Variants in RNGTT observed in about 807,000 individuals in gnomAD.
The protein encoded by RNGTT is mRNA-capping enzyme.
RNGTT carries 33 observed loss-of-function variants against 79.3 expected under a neutral mutation model. The ratio of observed to expected loss-of-function variants is 0.42; its 90% CI spans 0.32 to 0.56. RNGTT has a LOEUF of 0.56. Among genes scored for constraint, RNGTT ranks in the 20% least tolerant of loss-of-function variants. The pLI is 0.17. For missense variants in RNGTT, 497 were observed against 739.1 expected, an observed-to-expected ratio of 0.67 and a Z score of 3.80; for synonymous variants, 222 against 235.9, an observed-to-expected ratio of 0.94 and a Z score of 0.54.
intron 2 of RNGTT, among the ~76,000 whole-genome samples, chr6:88,932,611 G>A (rs141745621): frequency 0.022 from 3,354 of 152,034 alleles, 124 homozygotes; most frequent in African/African-American, 0.077. Flanking sequence ...TTCTCAGACC[G>A]GCCGACATTT....
intron 13 of RNGTT, among the ~76,000 whole-genome samples, chr6:88,734,565 T>C (rs1426263617): frequency 1.3e-5 from 2 of 152,088 alleles, no homozygotes; most frequent in Non-Finnish European, 2.9e-5. Flanking sequence ...ACCCAACTAA[T>C]ATTTTCTATA....
intron 11 of RNGTT, among the ~76,000 whole-genome samples, chr6:88,802,716 C>T (rs1050945080): frequency 6.6e-6 from 1 of 152,178 alleles, no homozygotes; most frequent in Admixed American, 6.5e-5. Context: ...TGGCAGCAGG[C>T]AAGAGAATGA....
chr6:88,667,865 G>C (rs912184305), intron 14 of RNGTT, among the ~76,000 whole-genome samples: 1 of 152,158 alleles, frequency 6.6e-6, no homozygotes, highest in Non-Finnish European at 1.5e-5. Flanking sequence ...TTAGGCTTAG[G>C]GAAAGTGTGT....
intron 8 of RNGTT, among the ~76,000 whole-genome samples, chr6:88,880,143 G>A (rs1782649459): frequency 6.6e-6 from 1 of 151,970 alleles, no homozygotes; most frequent in African/African-American, 2.4e-5. Context: ...CTAACACAGA[G>A]CCCTAGGGGT....
chr6:88,645,076 G>A (rs1282286259), intron 14 of RNGTT, among the ~76,000 whole-genome samples: 1 of 152,208 alleles, frequency 6.6e-6, no homozygotes, highest in Non-Finnish European at 1.5e-5. Flanking sequence ...CCTGTTTGCA[G>A]ATGACATGAT....
intron 14 of RNGTT, among the ~76,000 whole-genome samples, chr6:88,636,031 G>A (rs1562161906): frequency 1.3e-5 from 2 of 152,034 alleles, no homozygotes; most frequent in Non-Finnish European, 2.9e-5. Flanking sequence ...TCCTGCTACT[G>A]TGCAGTCATA....
At chr6:88,938,933 A>G (rs1448931694) in intron 2 of RNGTT, among the ~76,000 whole-genome samples, 4 of 152,168 alleles carry the variant, frequency 2.6e-5, no homozygotes, top group Non-Finnish European at 5.9e-5. Flanking sequence ...CAGAACTTTG[A>G]ATATATCCTC....
intron 12 of RNGTT, among the ~76,000 whole-genome samples, chr6:88,799,799 T>C (rs1779726354): frequency 6.6e-6 from 1 of 152,026 alleles, no homozygotes; most frequent in South Asian, 2.1e-4. Context: ...ACTCACTTAT[T>C]TGTCAGGCCA....
intron 14 of RNGTT, among the ~76,000 whole-genome samples, chr6:88,651,374 C>T (rs2127777912): frequency 6.6e-6 from 1 of 152,258 alleles, no homozygotes; most frequent in African/African-American, 2.4e-5. Context: ...ATGTTGTCAT[C>T]TTCCCCATCT....
rs575307862 is a variant in RNGTT at position 88,813,189 on chromosome 6, C to G, written c.1270-11557G>C. ...AAACCTGGCTGAAATCAACTGGAACCGATATGGCCTACTGGCGTTTGCACA... is the reference window on the plus strand; with the variant it reads ...AAACCTGGCTGAAATCAACTGGAACGGATATGGCCTACTGGCGTTTGCACA... On this transcript the variant is annotated intron_variant, in intron 11 of 15. Coordinates refer to ENST00000369485, the MANE Select transcript of RNGTT (RefSeq NM_003800.5). 2.6e-5 allele frequency among the ~76,000 whole-genome samples: 4 copies of G among 152,162 alleles called. No individual in the cohort carries two copies. The East Asian group carries it at 7.7e-4, about 29-fold the overall frequency.
chr6:88,615,063 G>C lies in RNGTT; in HGVS notation c.1507-668C>G, dbSNP rs369156580. On this transcript the variant is annotated intron_variant, in intron 14 of 15. Transcript: ENST00000369485. Reference sequence around the variant, plus strand: ...GACTGAATATGGATACTCTATCAAAGCTAACAAGTATCCATGGTAACTACG... The same window carrying C: ...GACTGAATATGGATACTCTATCAAACCTAACAAGTATCCATGGTAACTACG... 5.9e-5 allele frequency among the ~76,000 whole-genome samples: 9 copies of C among 152,260 alleles called. No homozygotes were observed. The East Asian group carries it at 1.3e-3, about 23-fold the overall frequency.
intron 11 of RNGTT, among the ~76,000 whole-genome samples, chr6:88,808,077 G>T (rs949122435): frequency 6.6e-6 from 1 of 152,092 alleles, no homozygotes; most frequent in African/African-American, 2.4e-5. Flanking sequence ...CAGGTAGAAG[G>T]AATATGATAC....
At chr6:88,698,134 A>G (rs1408817223) in intron 13 of RNGTT, among the ~76,000 whole-genome samples, 2 of 118,416 alleles carry the variant, frequency 1.7e-5, no homozygotes, top group African/African-American at 7.7e-5. Context: ...ATACATATAT[A>G]TGATATATAT....
At chr6:88,859,831 T>G (rs1033649976) in intron 8 of RNGTT, among the ~76,000 whole-genome samples, 1 of 152,196 alleles carries the variant, frequency 6.6e-6, no homozygotes, top group African/African-American at 2.4e-5. Context: ...AATTCCTGCC[T>G]GTGCTCCCAG....
intron 13 of RNGTT, among the ~76,000 whole-genome samples, chr6:88,708,676 G>A (rs1191882119): frequency 6.6e-6 from 1 of 151,988 alleles, no homozygotes; most frequent in Non-Finnish European, 1.5e-5. Context: ...GGCTCTGCTG[G>A]GTTTCAATCA....
chr6:88,770,632 C>A (rs1172868228), intron 12 of RNGTT, among the ~76,000 whole-genome samples: 1 of 152,162 alleles, frequency 6.6e-6, no homozygotes, highest in Non-Finnish European at 1.5e-5. Flanking sequence ...GTTTTCCTAA[C>A]TCTTGGGTAA....
chr6:88,698,667 T>C (rs1307977294), intron 13 of RNGTT, among the ~76,000 whole-genome samples: 1 of 152,110 alleles, frequency 6.6e-6, no homozygotes, highest in East Asian at 1.9e-4. Flanking sequence ...TAAAACTATT[T>C]TAATAACTTC....
chr6:88,686,758 C>T (rs551989434), intron 13 of RNGTT, among the ~76,000 whole-genome samples: 29 of 152,212 alleles, frequency 1.9e-4, no homozygotes, highest in African/African-American at 7.0e-4. Flanking sequence ...ACTGGTATAT[C>T]TGTCTACATT....
chr6:88,938,032 A>G (rs1328277499), intron 2 of RNGTT, among the ~76,000 whole-genome samples: 15 of 152,328 alleles, frequency 9.8e-5, no homozygotes, highest in African/African-American at 3.4e-4. Context: ...AATGTTCTGT[A>G]AATGTCTGTT....
Sources: gnomAD v4.1 joint callset for allele counts (sites outside exome capture counted in the v4.1 genomes callset) on GRCh38, gnomAD v4.1.1 for gene constraint, MANE v1.5 for transcripts, NCBI Gene and HGNC (gene_info 2026-07-23, HGNC 2026-07-21) for gene names.